Variants in AHCTF1 observed in about 807,000 individuals in gnomAD.
The protein encoded by AHCTF1 is protein ELYS.
A neutral mutation model predicts 248.4 loss-of-function variants in AHCTF1; 24 were observed. The ratio of observed to expected loss-of-function variants is 0.10; its 90% confidence interval spans 0.07 to 0.14. The LOEUF is 0.14. AHCTF1 is among the 10% of genes least tolerant of loss of function. AHCTF1 has a pLI of 1.00. For synonymous variants in AHCTF1, 786 were observed against 929.8 expected, an observed-to-expected ratio of 0.85 and a Z score of 2.81; for missense variants, 2,206 against 2,636.2, an observed-to-expected ratio of 0.84 and a Z score of 3.57.
At position 246,913,304 on chromosome 1, in the gene AHCTF1, C is replaced by T. The variant is rs779101629; in HGVS notation, c.484G>A (p.Val162Ile). ...LFGVAAVVTDVGQILLVDLCL... is the reference protein window; with the variant it reads ...LFGVAAVVTDIGQILLVDLCL... ...AGGTCAACAAGAAGGATCTGTCCAA[C>T]ATCAGTGACCACAGCTGCCACTCCA... The change falls in exon 4 of 36, where the codon GTT (valine) becomes ATT (isoleucine). Residue 162 changes from valine to isoleucine, a missense_variant. By Grantham distance (29) the Val-to-Ile change is conservative (BLOSUM62 3). Transcript: ENST00000648844. The T allele has an allele frequency of 3.2e-5, 52 of 1,613,876 alleles. 1 individual carries two copies. The highest frequency in any genetic ancestry group is 3.3e-4 in the Middle Eastern group (2 of 6,046).
intron 12 of AHCTF1, among the ~76,000 whole-genome samples, chr1:246,897,873 G>C (rs1011956624): frequency 7.5e-6 from 1 of 133,514 alleles, no homozygotes; most frequent in South Asian, 2.5e-4. Context: ...AGCTACTTGC[G>C]GGGGCTGGGG....
rs376061981 is a variant in AHCTF1 at position 246,867,726 on chromosome 1, C to T, written c.3174G>A (p.Val1058=). Residue 1058 remains valine, a synonymous_variant, in exon 25 of 36, where the codon GTG becomes GTA. Coordinates refer to ENST00000648844, the MANE Select transcript of AHCTF1 (RefSeq NM_001323342.2). The stretch of plus-strand genomic sequence containing the variant: ...CCCAAACTTCTCCAATTTTAGATAA[C>T]ACATTGTTGATGAAAACAGATCTTG... ...VLTRSVFINN[V]LSKIGEVWAS... The T allele has an allele frequency of 1.7e-5, 28 of 1,612,370 alleles. No homozygotes were observed. The African/African-American group carries it at 3.1e-4, about 18-fold the overall frequency.
At chr1:246,860,596 G>A (rs1373449355) in intron 29 of AHCTF1, among the ~76,000 whole-genome samples, 2 of 152,130 alleles carry the variant, frequency 1.3e-5, no homozygotes, top group Non-Finnish European at 2.9e-5. Flanking sequence ...TGTCACGCAG[G>A]CTAAAGTACA....
chr1:246,922,399 A>T (rs1020227857), intron 1 of AHCTF1, among the ~76,000 whole-genome samples: 3 of 151,758 alleles, frequency 2.0e-5, no homozygotes, highest in Non-Finnish European at 2.9e-5. Flanking sequence ...GGCACACTGT[A>T]TATCAACAGT....
chr1:246,854,147 A>C (rs866757677), intron 31 of AHCTF1, among the ~76,000 whole-genome samples: 22 of 151,962 alleles, frequency 1.4e-4, no homozygotes, highest in African/African-American at 2.7e-4. Context: ...AAAATACAAA[A>C]AATTAGCCAG....
chr1:246,875,021 T>A (rs1191572919), intron 24 of AHCTF1, among the ~76,000 whole-genome samples: 1 of 147,402 alleles, frequency 6.8e-6, no homozygotes, highest in Non-Finnish European at 1.5e-5. Flanking sequence ...GTTAAAACCA[T>A]CTCCTGACAG....
intron 29 of AHCTF1, 115 bp downstream of exon 29, chr1:246,860,784 A>C (rs1661481693): frequency 1.5e-6 from 2 of 1,373,888 alleles, no homozygotes; most frequent in Non-Finnish European, 2.0e-6. Flanking sequence ...GAGATTAACT[A>C]GCATGAGCCA....
intron 12 of AHCTF1, among the ~76,000 whole-genome samples, chr1:246,896,470 T>C (rs547990470): frequency 2.4e-4 from 37 of 152,204 alleles, no homozygotes; most frequent in Admixed American, 6.5e-4. Context: ...TCATATTATT[T>C]GACCCATTTA....
intron 1 of AHCTF1, among the ~76,000 whole-genome samples, chr1:246,922,735 C>T (rs1476562402): frequency 2.8e-4 from 43 of 151,498 alleles, no homozygotes; most frequent in Non-Finnish European, 1.6e-4. Flanking sequence ...GTAATCCCAG[C>T]ACTTTGGGAG....
At chr1:246,906,111 T>C (rs1665370553) in intron 5 of AHCTF1, among the ~76,000 whole-genome samples, 1 of 152,194 alleles carries the variant, frequency 6.6e-6, no homozygotes, top group Non-Finnish European at 1.5e-5. Context: ...TTCAGCTGTT[T>C]GGGTTTAGCA....
In AHCTF1 at chr1:246,900,071, T is replaced by A; in HGVS notation, c.1426A>T (p.Asn476Tyr). The stretch of plus-strand genomic sequence containing the variant: ...ATGTTAAGGAAATACATACCAAAAT[T>A]ATAAGTGCTTGGATTAAAAAACTGC... Reference protein sequence around the residue: ...PEQFFNPSTYNFDATCLLNSG... With the variant: ...PEQFFNPSTYYFDATCLLNSG... The change falls in exon 10 of 36, where the codon AAT becomes TAT. Residue 476 changes from asparagine (N) to tyrosine (Y), a missense_variant. This residue lies in a region of AHCTF1 where 650 missense variants were observed against 870.8 expected (regional missense o/e 0.75). Transcript: ENST00000648844. 1.9e-6 allele frequency: 3 copies of A among 1,602,954 alleles called. No homozygotes were observed. The highest frequency in any genetic ancestry group is 2.5e-6 in the Non-Finnish European group (3 of 1,177,844).
chr1:246,897,588 A>G (rs990988771), intron 12 of AHCTF1, among the ~76,000 whole-genome samples: 1 of 152,200 alleles, frequency 6.6e-6, no homozygotes, highest in Non-Finnish European at 1.5e-5. Flanking sequence ...CTCCTAAGCT[A>G]CAAACCTGTA....
In AHCTF1 at chr1:246,850,494, C is replaced by G. The variant is rs760182454; in HGVS notation, c.5512G>C (p.Gly1838Arg). 12 of 1,600,496 alleles carry G rather than the reference C, an allele frequency of 7.5e-6. No homozygotes were observed. In the East Asian group the frequency reaches 2.7e-4, roughly 36 times the overall value. Residue 1838 changes from glycine (G) to arginine (R), a missense_variant, in exon 33 of 36, where the codon GGT (glycine) becomes CGT (arginine). Gly to Arg is a moderately radical substitution (Grantham distance 125). This residue lies in a region of AHCTF1 where 29 missense variants were observed against 57.1 expected (regional missense o/e 0.51). Coordinates refer to ENST00000648844, the MANE Select transcript of AHCTF1 (RefSeq NM_001323342.2). ...SVEQELQITT[G>R]RESKRLKSSQ... ...GATTTTAATCTTTTTGATTCCCTAC[C>G]TGTAGTGATCTGTAATTCTTGTTCC...
rs917531419 is a variant in AHCTF1, at chr1:246,860,936, T to G, written c.4095A>C (p.Ala1365=). The change falls in exon 29 of 36, where the codon GCA becomes GCC. Residue 1365 remains alanine, a synonymous_variant. Coordinates refer to ENST00000648844, the MANE Select transcript of AHCTF1 (RefSeq NM_001323342.2). ...TEKDGDKDVF[A]SEVTPSDLQK... ...GTAGGTCTGAAGGAGTTACTTCTGA[T>G]GCAAATACATCTTTATCTCCATCCT... 6.2e-7 allele frequency: 1 copy of G among 1,612,184 alleles called. No individual in the cohort carries two copies. The highest frequency in any genetic ancestry group is 1.3e-5 in the African/African-American group (1 of 74,914).
chr1:246,930,087 A>C (rs903728400), intron 1 of AHCTF1, among the ~76,000 whole-genome samples: 1 of 152,116 alleles, frequency 6.6e-6, no homozygotes, highest in African/African-American at 2.4e-5. Flanking sequence ...CCTATGAAAA[A>C]GGAGAAGCAT....
At chr1:246,857,881 T>G (rs906510403) in intron 29 of AHCTF1, 67 bp from the exon 30 acceptor site, 1 of 1,445,626 alleles carries the variant, frequency 6.9e-7, no homozygotes, top group Non-Finnish European at 9.4e-7. Flanking sequence ...AGTCTTGCAT[T>G]ATTACTTTTT....
chr1:246,912,945 A>G (rs1665910319), intron 4 of AHCTF1, among the ~76,000 whole-genome samples: 1 of 152,200 alleles, frequency 6.6e-6, no homozygotes, highest in Non-Finnish European at 1.5e-5. Context: ...GATCTTATTC[A>G]GGTATGTAAA....
At chr1:246,913,480 T>C in intron 3 of AHCTF1, 68 bp from the exon 4 acceptor site, 1 of 1,468,858 alleles carries the variant, frequency 6.8e-7, no homozygotes, top group Non-Finnish European at 9.2e-7. Flanking sequence ...CACAATAAAT[T>C]TAAGTTAAAG....
intron 12 of AHCTF1, 104 bp downstream of exon 12, chr1:246,898,104 A>G (rs976346044): frequency 1.8e-5 from 27 of 1,490,984 alleles, no homozygotes; most frequent in Non-Finnish European, 2.5e-5. Context: ...GCATTACACT[A>G]CTTCACCTAT....
Sources: gnomAD v4.1 joint callset for allele counts (sites outside exome capture counted in the v4.1 genomes callset) on GRCh38, gnomAD v4.1.1 for gene constraint, gnomAD v4.1.1 regional missense constraint, MANE v1.5 for transcripts, NCBI Gene and HGNC (gene_info 2026-07-23, HGNC 2026-07-21) for gene names.